CNTN6: variants seen among roughly 807,000 people sequenced by gnomAD.
CNTN6 encodes the protein contactin-6.
Under a neutral mutation model 122.8 loss-of-function variants are expected in CNTN6, and 137 were observed. The observed-to-expected ratio is 1.12, with a 90% CI of 0.97 to 1.29. The LOEUF is 1.29. Among genes scored for constraint, CNTN6 ranks in the 50% most tolerant of loss-of-function variants. The pLI, the probability that CNTN6 is intolerant of heterozygous loss-of-function variation, is 0.00. For missense variants in CNTN6, 1,634 were observed against 1,223.4 expected (o/e 1.34, Z -5.01); for synonymous variants, 570 against 426.0 (o/e 1.34, Z -4.16).
chr3:1,373,964 G>T lies in CNTN6; in HGVS notation c.1986G>T (p.Val662=), dbSNP rs1458054095. 2.5e-6 allele frequency: 4 copies of T among 1,612,974 alleles called. No individual in the cohort carries two copies. In the Admixed American group the frequency reaches 6.7e-5, roughly 27 times the overall value. ...ATGGTAAGACATACAATGCAACAGT[G>T]GTTGGTTTGAGTCCTTGGGTGGAAT... ...ILNGKTYNAT[V]VGLSPWVEYE... Residue 662 remains valine, a synonymous_variant, in exon 16 of 23, where the codon GTG becomes GTT. Transcript: ENST00000446702.
At chr3:1,350,234 G>A (rs1203304817) in intron 11 of CNTN6, among the ~76,000 whole-genome samples, 2 of 151,458 alleles carry the variant, frequency 1.3e-5, no homozygotes, top group Non-Finnish European at 3.0e-5. Context: ...ATTAGGTCTG[G>A]GATAAGACCA....
At chr3:1,145,112 G>A (rs900318399) in intron 1 of CNTN6, among the ~76,000 whole-genome samples, 8 of 152,118 alleles carry the variant, frequency 5.3e-5, no homozygotes, top group African/African-American at 7.2e-5. Context: ...TTAGCAAACT[G>A]TCCATGAAGG....
chr3:1,222,912 A>G (rs1176495550), intron 3 of CNTN6, among the ~76,000 whole-genome samples: 1 of 152,090 alleles, frequency 6.6e-6, no homozygotes, highest in Non-Finnish European at 1.5e-5. Flanking sequence ...TAGACAAGAA[A>G]CTATGGAAAG....
chr3:1,248,820 C>T (rs1263467906), intron 4 of CNTN6, among the ~76,000 whole-genome samples: 1 of 151,810 alleles, frequency 6.6e-6, no homozygotes, highest in African/African-American at 2.4e-5. Flanking sequence ...AACTCCATTG[C>T]ACTCCAGCCT....
chr3:1,365,985 TA>T (rs1185923172), intron 12 of CNTN6, among the ~76,000 whole-genome samples: 2 of 152,128 alleles, frequency 1.3e-5, no homozygotes. Context: ...TTTTAAAAAC[TA>T]AGGGAACATT....
At position 1,402,415 on chromosome 3, in the gene CNTN6, T is replaced by G; in HGVS notation, c.2915T>G (p.Ile972Ser). The G allele has an allele frequency of 6.2e-7, 1 of 1,612,512 alleles. No individual in the cohort carries two copies. Among genetic ancestry groups the G allele is most frequent in the Non-Finnish European group, 8.5e-7 (1 of 1,178,982 alleles). ...GTTCCATTTGAAGAAGACTACTTAA[T>G]TGAAATAAGAACAGTCAGTGATGGT... ...LLVPFEEDYL[I>S]EIRTVSDGGD... The change falls in exon 22 of 23, where the codon ATT becomes AGT. Residue 972 changes from isoleucine (I) to serine (S), a missense_variant. Ile to Ser is a moderately radical substitution (Grantham distance 142). Transcript: ENST00000446702.
intron 4 of CNTN6, among the ~76,000 whole-genome samples, 189 bp from the exon 5 acceptor site, chr3:1,278,220 AAAAG>A (rs1175310244): frequency 8.5e-5 from 13 of 152,222 alleles, no homozygotes; most frequent in African/African-American, 2.9e-4. Context: ...TGTTTAATTA[AAAAG>A]AAAGAAAGAA....
chr3:1,233,774 A>G (rs1438320137), intron 4 of CNTN6, among the ~76,000 whole-genome samples: 2 of 148,698 alleles, frequency 1.3e-5, no homozygotes, highest in African/African-American at 5.0e-5. Flanking sequence ...TTGAAATACC[A>G]CATACTATTT....
intron 4 of CNTN6, among the ~76,000 whole-genome samples, chr3:1,240,280 A>G (rs919770189): frequency 1.3e-5 from 2 of 152,186 alleles, no homozygotes; most frequent in East Asian, 3.9e-4. Flanking sequence ...TATCCAACGA[A>G]TGACTGATAT....
chr3:1,311,694 A>C (rs1009336027), intron 7 of CNTN6, among the ~76,000 whole-genome samples: 5 of 151,490 alleles, frequency 3.3e-5, no homozygotes, highest in Non-Finnish European at 7.4e-5. Flanking sequence ...TCTCCCCCAA[A>C]GGATAACTAC....
intron 20 of CNTN6, among the ~76,000 whole-genome samples, chr3:1,399,894 C>T (rs190322439): frequency 1.0e-3 from 158 of 152,212 alleles, no homozygotes; most frequent in Admixed American, 2.1e-3. Context: ...AAAATATGAA[C>T]TAAGCCTCAT....
intron 1 of CNTN6, among the ~76,000 whole-genome samples, chr3:1,141,744 G>A (rs888232101): frequency 2.0e-5 from 3 of 152,048 alleles, no homozygotes; most frequent in Non-Finnish European, 4.4e-5. Flanking sequence ...TGACAGAATT[G>A]GACAAGAATA....
chr3:1,134,571 C>T (rs1396152716), intron 1 of CNTN6, among the ~76,000 whole-genome samples: 2 of 152,138 alleles, frequency 1.3e-5, no homozygotes, highest in Middle Eastern at 3.2e-3. Flanking sequence ...AAGTCACCTA[C>T]ATTCAGAGGG....
At chr3:1,365,030 G>A (rs74642646) in intron 12 of CNTN6, among the ~76,000 whole-genome samples, 5,220 of 152,040 alleles carry the variant, frequency 0.034, 125 homozygotes, top group South Asian at 0.053. Context: ...AAGTGAATGA[G>A]AAATGTTCCT....
chr3:1,215,371 T>C (rs895118328), intron 2 of CNTN6, among the ~76,000 whole-genome samples: 1 of 152,202 alleles, frequency 6.6e-6, no homozygotes, highest in African/African-American at 2.4e-5. Context: ...TGTGAGATAA[T>C]TACAATCATC....
At chr3:1,268,423 T>C (rs370217266) in intron 4 of CNTN6, among the ~76,000 whole-genome samples, 189 of 152,096 alleles carry the variant, frequency 1.2e-3, no homozygotes, top group African/African-American at 3.5e-3. Flanking sequence ...CTGGTTAATG[T>C]GGTGAAACCC....
At chr3:1,307,350 A>G (rs571879636) in intron 7 of CNTN6, among the ~76,000 whole-genome samples, 2 of 152,212 alleles carry the variant, frequency 1.3e-5, no homozygotes, top group Non-Finnish European at 2.9e-5. Context: ...TTTCTGAGAA[A>G]TGGAAAATTA....
chr3:1,348,136 T>C (rs1705027429), intron 11 of CNTN6, among the ~76,000 whole-genome samples: 1 of 109,276 alleles, frequency 9.2e-6, no homozygotes, highest in Admixed American at 9.0e-5. Flanking sequence ...ACAGGTAATA[T>C]TAGTATTTCT....
intron 4 of CNTN6, among the ~76,000 whole-genome samples, chr3:1,246,189 C>T (rs1399969982): frequency 1.3e-5 from 2 of 152,148 alleles, no homozygotes; most frequent in Admixed American, 6.5e-5. Flanking sequence ...CCCATTATAT[C>T]CCCTTCTAGT....
Sources: allele counts gnomAD v4.1 joint callset (sites outside exome capture counted in the v4.1 genomes callset), GRCh38; gene constraint gnomAD v4.1.1; transcripts MANE v1.5; gene names NCBI Gene and HGNC (gene_info 2026-07-23, HGNC 2026-07-21).